The following RALGAPA2 variants were observed in gnomAD, a reference collection of about 807,000 sequenced individuals.
RALGAPA2 encodes Ral GTPase activating protein catalytic subunit alpha 2.
A neutral mutation model predicts 230.4 loss-of-function variants in RALGAPA2; 139 were observed. The observed-to-expected ratio is 0.60, with a 90% CI of 0.53 to 0.69. RALGAPA2 has a LOEUF of 0.69. RALGAPA2 is among the 30% of genes least tolerant of loss of function. The pLI is 0.00. For synonymous variants in RALGAPA2, 847 were observed against 837.8 expected (o/e 1.01, Z -0.19); for missense variants, 2,163 against 2,276.0 (o/e 0.95, Z 1.01).
In RALGAPA2 at chr20:20,524,122, A is replaced by G. The variant is rs1216815333; in HGVS notation, c.3900+284T>C. ...CAGGCACCCGCCACCACGCCCGGCT[A>G]ATTTTTTGTACTTTTAGTAGAGATG... On this transcript the variant is annotated intron_variant, in intron 30 of 39. Coordinates refer to ENST00000202677, the MANE Select transcript of RALGAPA2 (RefSeq NM_020343.4). Among the ~76,000 whole-genome samples the G allele has an allele frequency of 3.9e-5, 6 of 152,038 alleles. No individual in the cohort carries two copies. In the South Asian group the frequency reaches 6.2e-4, roughly 16 times the overall value.
chr20:20,476,015 T>A (rs988552708), intron 36 of RALGAPA2, among the ~76,000 whole-genome samples: 2 of 152,136 alleles, frequency 1.3e-5, no homozygotes, highest in African/African-American at 4.8e-5. Context: ...ATGAATTTGA[T>A]AAAAGAATGT....
At chr20:20,667,770 G>A (rs781344534) in intron 3 of RALGAPA2, among the ~76,000 whole-genome samples, 1 of 152,192 alleles carries the variant, frequency 6.6e-6, no homozygotes, top group East Asian at 1.9e-4. Context: ...ATGGAGAAAG[G>A]TTGAAGGTGT....
rs765456037 is a variant in RALGAPA2, at chr20:20,536,782, C to A, written c.3288G>T (p.Ala1096=). The A allele has an allele frequency of 6.2e-7, 1 of 1,610,788 alleles. No individual in the cohort carries two copies. Among genetic ancestry groups the A allele is most frequent in the Non-Finnish European group, 8.5e-7 (1 of 1,177,864 alleles). ...ARVLSTDILT[A]PRSEAVTVLG... is the part of the protein sequence containing the mutation. ...GGACAGTGACAGCCTCTGAACGAGG[C>A]GCCTGCACATAAGGAAGAGGAGCAC... is the stretch of plus-strand genomic sequence containing the variant. The change falls in exon 25 of 40, where the codon GCG becomes GCT. Residue 1096 remains alanine (A), a splice_region_variant and synonymous_variant. Coordinates refer to ENST00000202677, the MANE Select transcript of RALGAPA2 (RefSeq NM_020343.4).
At chr20:20,607,984 T>C (rs1482445040) in intron 14 of RALGAPA2, among the ~76,000 whole-genome samples, 1 of 152,146 alleles carries the variant, frequency 6.6e-6, no homozygotes, top group African/African-American at 2.4e-5. Context: ...TTTAATCAAT[T>C]ACCATTTTCT....
chr20:20,524,535 C>T lies in RALGAPA2; in HGVS notation c.3771G>A (p.Val1257=). Residue 1257 remains valine (V), a synonymous_variant, in exon 30 of 40, where the codon GTG becomes GTA. Transcript: ENST00000202677. ...AGTCCAAGAGGCAGAGTAGCAAGGA[C>T]ACAATAAACTGGAAGAAGAACATGC... The part of the protein sequence containing the change: ...SSVETDKKFI[V]SLLLCLLDWC... 1 of 1,613,868 alleles carries T rather than the reference C, an allele frequency of 6.2e-7. No individual in the cohort carries two copies. Among genetic ancestry groups the T allele is most frequent in the Non-Finnish European group, 8.5e-7 (1 of 1,179,840 alleles).
At chr20:20,602,595 T>C (rs895458606) in intron 15 of RALGAPA2, among the ~76,000 whole-genome samples, 5 of 152,252 alleles carry the variant, frequency 3.3e-5, no homozygotes, top group Non-Finnish European at 7.3e-5. Flanking sequence ...TTGTTTCTAG[T>C]AGTCTAGCCC....
At chr20:20,575,149 ATCTATACTCATGCCCC>A (rs971873999) in intron 20 of RALGAPA2, among the ~76,000 whole-genome samples, 89 of 152,292 alleles carry the variant, frequency 5.8e-4, no homozygotes, top group African/African-American at 2.1e-3. Flanking sequence ...TGTCTTCTCT[ATCTATACTCATGCCCC>A]TCTTAATCTC....
At chr20:20,650,085 G>A (rs938680101) in intron 4 of RALGAPA2, among the ~76,000 whole-genome samples, 14 of 152,170 alleles carry the variant, frequency 9.2e-5, no homozygotes, top group Non-Finnish European at 1.9e-4. Context: ...TCATCTTGCT[G>A]TACAAACATC....
intron 4 of RALGAPA2, among the ~76,000 whole-genome samples, chr20:20,646,112 T>C (rs186416650): frequency 1.8e-4 from 27 of 152,026 alleles, no homozygotes; most frequent in Non-Finnish European, 2.4e-4. Context: ...TGGAGTGCAG[T>C]GGCGCGATCT....
chr20:20,586,484 T>C (rs1484042399), intron 18 of RALGAPA2, among the ~76,000 whole-genome samples: 1 of 152,022 alleles, frequency 6.6e-6, no homozygotes, highest in Non-Finnish European at 1.5e-5. Flanking sequence ...AGAAAATAAA[T>C]CACCATGTGT....
At chr20:20,544,393 T>C (rs900694223) in intron 24 of RALGAPA2, among the ~76,000 whole-genome samples, 4 of 145,174 alleles carry the variant, frequency 2.8e-5, no homozygotes, top group East Asian at 4.1e-4. Flanking sequence ...TGTGGAGAAA[T>C]AGGAATGCTT....
At chr20:20,532,475 G>GT (rs1273131918) in intron 26 of RALGAPA2, among the ~76,000 whole-genome samples, 4 of 152,104 alleles carry the variant, frequency 2.6e-5, no homozygotes, top group African/African-American at 9.7e-5. Flanking sequence ...GAAATCAAGG[G>GT]TTTTCTCTAA....
At chr20:20,623,205 A>G (rs1264843049) in intron 10 of RALGAPA2, among the ~76,000 whole-genome samples, 1 of 152,224 alleles carries the variant, frequency 6.6e-6, no homozygotes, top group Admixed American at 6.5e-5. Flanking sequence ...AAATCTGTTT[A>G]AAAGACTTCG....
intron 4 of RALGAPA2, among the ~76,000 whole-genome samples, chr20:20,649,143 A>AC: frequency 6.6e-6 from 1 of 152,272 alleles, no homozygotes; most frequent in Non-Finnish European, 1.5e-5. Flanking sequence ...CTCCTGCTGA[A>AC]CATGGAGGCA....
Position 20,511,328 on chromosome 20 carries a change from A to G in RALGAPA2, c.4857-3T>C. 1 of 1,545,800 alleles carries G rather than the reference A, an allele frequency of 6.5e-7. No homozygotes were observed. Among genetic ancestry groups the G allele is most frequent in the Non-Finnish European group, 8.7e-7 (1 of 1,146,616 alleles). On this transcript the variant is annotated splice_region_variant and splice_polypyrimidine_tract_variant and intron_variant, in intron 32 of 39. Coordinates refer to ENST00000202677, the MANE Select transcript of RALGAPA2 (RefSeq NM_020343.4). ...TCTTCAATAGATGAAAATTCTTCCTATAAAGAAAAAAGGATGGAAGAAAAA... is the reference window on the plus strand; with the variant it reads ...TCTTCAATAGATGAAAATTCTTCCTGTAAAGAAAAAAGGATGGAAGAAAAA...
chr20:20,629,995 T>C (rs2066617675), intron 9 of RALGAPA2, among the ~76,000 whole-genome samples: 1 of 152,250 alleles, frequency 6.6e-6, no homozygotes, highest in South Asian at 2.1e-4. Flanking sequence ...AGGGGACTTC[T>C]TGCAGCAACA....
At chr20:20,700,121 C>A (rs2146976915) in intron 1 of RALGAPA2, among the ~76,000 whole-genome samples, 1 of 152,226 alleles carries the variant, frequency 6.6e-6, no homozygotes, top group Admixed American at 6.5e-5. Flanking sequence ...GAATACTACA[C>A]AGCCATAAAA....
At chr20:20,668,344 A>C (rs898014754) in intron 3 of RALGAPA2, among the ~76,000 whole-genome samples, 9 of 152,340 alleles carry the variant, frequency 5.9e-5, no homozygotes, top group African/African-American at 1.7e-4. Context: ...CGGAGGTTGC[A>C]GTGAACCAAG....
At chr20:20,505,071 T>C (rs2062492308) in intron 34 of RALGAPA2, 1 of 985,282 alleles carries the variant, frequency 1.0e-6, no homozygotes, top group African/African-American at 1.7e-5. Flanking sequence ...GACTTCTTCT[T>C]CAATCTCCAT....
Sources: gnomAD v4.1 joint callset for allele counts (sites outside exome capture counted in the v4.1 genomes callset) on GRCh38, gnomAD v4.1.1 for gene constraint, MANE v1.5 for transcripts, NCBI Gene and HGNC (gene_info 2026-07-23, HGNC 2026-07-21) for gene names.